Variants in ARHGEF37 observed in about 807,000 individuals in gnomAD.
The protein encoded by ARHGEF37 is Rho guanine nucleotide exchange factor 37.
Under a neutral mutation model 71.1 loss-of-function variants are expected in ARHGEF37, and 55 were observed. The ratio of observed to expected loss-of-function variants is 0.77; its 90% CI spans 0.62 to 0.97. ARHGEF37 has a LOEUF of 0.97. Among genes scored for constraint, ARHGEF37 ranks in the 50% least tolerant of loss-of-function variants. ARHGEF37 has a pLI of 0.00. For missense variants in ARHGEF37, 765 were observed against 836.8 expected (o/e 0.91, Z 1.06); for synonymous variants, 327 against 350.6 (o/e 0.93, Z 0.75).
rs544719154 is a variant in ARHGEF37 at position 149,612,230 on chromosome 5, C to T, written c.458+2535C>T. Among the ~76,000 whole-genome samples the T allele has an allele frequency of 1.1e-4, 17 of 152,206 alleles. No individual in the cohort carries two copies. In the South Asian group the frequency reaches 1.9e-3, roughly 17 times the overall value. ...TCGCCCAGGCTGGAGTGCAGTGGCG[C>T]GATCTCGGCCCACTGCAACCTCCGT... On this transcript the variant is annotated intron_variant, in intron 4 of 12. Transcript: ENST00000333677.
intron 1 of ARHGEF37, among the ~76,000 whole-genome samples, chr5:149,565,009 G>T (rs1762882222): frequency 6.6e-6 from 1 of 152,324 alleles, no homozygotes; most frequent in African/African-American, 2.4e-5. Flanking sequence ...CAGCCAGAAA[G>T]CTGAATCTGG....
chr5:149,588,439 G>A (rs1319881462), intron 1 of ARHGEF37, among the ~76,000 whole-genome samples: 2 of 152,102 alleles, frequency 1.3e-5, no homozygotes, highest in African/African-American at 2.4e-5. Context: ...TGAGATTACA[G>A]GCGTGTGCTA....
intron 1 of ARHGEF37, among the ~76,000 whole-genome samples, chr5:149,568,556 G>A (rs996909014): frequency 6.6e-6 from 1 of 152,058 alleles, no homozygotes; most frequent in Non-Finnish European, 1.5e-5. Context: ...TGGCCGCGTG[G>A]TGACTGATGC....
chr5:149,582,981 A>G (rs1166053105), intron 1 of ARHGEF37, among the ~76,000 whole-genome samples: 1 of 152,220 alleles, frequency 6.6e-6, no homozygotes, highest in Non-Finnish European at 1.5e-5. Flanking sequence ...TCGTGATGGT[A>G]TCCTAAATAA....
rs556989385 is a variant in ARHGEF37, at chr5:149,559,907, T to C, written c.-12+7784T>C. The stretch of plus-strand genomic sequence containing the variant: ...AAGGATGTGCTCATGCTATTAAAAA[T>C]GTCTGTTTTATGACATAGCTAACAA... On this transcript the variant is annotated intron_variant, in intron 1 of 2. Transcript: ENST00000505810. 5.3e-5 allele frequency among the ~76,000 whole-genome samples: 8 copies of C among 152,308 alleles called. No individual in the cohort carries two copies. In the East Asian group the frequency reaches 1.5e-3, roughly 29 times the overall value.
intron 4 of ARHGEF37, among the ~76,000 whole-genome samples, chr5:149,613,073 A>G (rs1752247216): frequency 6.6e-6 from 1 of 152,232 alleles, no homozygotes; most frequent in African/African-American, 2.4e-5. Flanking sequence ...CGTCCAGCAC[A>G]AAGCACTGCA....
chr5:149,634,542 A>G lies in ARHGEF37; in HGVS notation c.*2351A>G, dbSNP rs1752976443. 6.6e-6 allele frequency: 1 copy of G among 152,666 alleles called. No homozygotes were observed. The highest frequency in any genetic ancestry group is 2.4e-5 in the African/African-American group (1 of 41,458). The allele number at this position is 152,666 out of a possible 1,614,324, so 9.5% of individuals were successfully genotyped here. A position where few individuals can be genotyped will look rare whatever the true frequency, so the allele number is the denominator to read the frequency against. ...TAGCACGTGGGTTATGGTTTCTCATAGACCAGGGGATAAGATTAAAAGTCA... is the reference window on the plus strand; with the variant it reads ...TAGCACGTGGGTTATGGTTTCTCATGGACCAGGGGATAAGATTAAAAGTCA... On this transcript the variant is annotated 3_prime_UTR_variant, in exon 13 of 13. Transcript: ENST00000333677.
At chr5:149,627,885 A>G (rs562685173) in intron 11 of ARHGEF37, among the ~76,000 whole-genome samples, 43 of 152,356 alleles carry the variant, frequency 2.8e-4, no homozygotes, top group African/African-American at 1.0e-3. Flanking sequence ...CAGGGGATCC[A>G]CAGACAGTTT....
chr5:149,583,861 A>C lies in ARHGEF37; in HGVS notation c.-12+2237A>C, dbSNP rs372232022. On this transcript the variant is annotated intron_variant, in intron 1 of 12. Coordinates refer to ENST00000333677, the MANE Select transcript of ARHGEF37 (RefSeq NM_001001669.3). ...CTGCAGCCTCAACCGCCCAGGTTCA[A>C]GCAATCCTCCTGCCTCAGCCTTCTG... 5.8e-4 allele frequency among the ~76,000 whole-genome samples: 89 copies of C among 152,296 alleles called. No homozygotes were observed. In the South Asian group the frequency reaches 0.011, roughly 18 times the overall value.
intron 1 of ARHGEF37, among the ~76,000 whole-genome samples, chr5:149,565,531 C>T (rs1762887343): frequency 1.3e-5 from 2 of 152,142 alleles, no homozygotes; most frequent in African/African-American, 4.8e-5. Context: ...TACTGGCTAC[C>T]AAGAGACACT....
chr5:149,626,549 ACAGTG>A lies in ARHGEF37; in HGVS notation c.1465-525_1465-521del, dbSNP rs1213273954. On this transcript the variant is annotated intron_variant, in intron 10 of 12. Transcript: ENST00000333677. ...TACTACACCATTCTCAAAGTTTTCCACAGTGCCCTGTAAATGGCAGGTGCTCCATA... is the reference window on the plus strand; with the variant it reads ...TACTACACCATTCTCAAAGTTTTCCACCCTGTAAATGGCAGGTGCTCCATA... 2.0e-5 allele frequency among the ~76,000 whole-genome samples: 3 copies of A among 152,324 alleles called. No individual in the cohort carries two copies. The East Asian group carries it at 5.8e-4, about 29-fold the overall frequency.
intron 2 of ARHGEF37, among the ~76,000 whole-genome samples, chr5:149,599,962 AG>A (rs34062323): frequency 6.6e-6 from 1 of 152,156 alleles, no homozygotes; most frequent in African/African-American, 2.4e-5. Context: ...ACTTAACACC[AG>A]GGATATGTTT....
At chr5:149,557,976 C>T (rs1321658402) in intron 1 of ARHGEF37, among the ~76,000 whole-genome samples, 1 of 151,786 alleles carries the variant, frequency 6.6e-6, no homozygotes, top group Non-Finnish European at 1.5e-5. Flanking sequence ...AGCAATTCTC[C>T]TGCCTCTGCC....
At chr5:149,615,337 T>C (rs1025652321) in intron 4 of ARHGEF37, among the ~76,000 whole-genome samples, 9 of 151,462 alleles carry the variant, frequency 5.9e-5, no homozygotes, top group African/African-American at 1.9e-4. Flanking sequence ...GAGGTCATGC[T>C]ATGTTGCCCA....
At chr5:149,559,496 C>A (rs1040222706) in intron 1 of ARHGEF37, among the ~76,000 whole-genome samples, 14 of 152,158 alleles carry the variant, frequency 9.2e-5, no homozygotes, top group African/African-American at 3.1e-4. Context: ...TCTAACCAAT[C>A]CTCGTTGAGT....
chr5:149,597,876 G>A lies in ARHGEF37; in HGVS notation c.107G>A (p.Arg36Gln), dbSNP rs372262596. ...CTGCTTCATCAGAGGCTGGCTGTCC[G>A]GGAGCTCATCGACACTGAGGTCTCC... is the stretch of plus-strand genomic sequence containing the variant. ...RSLLHQRLAV[R>Q]ELIDTEVSYL... Residue 36 changes from arginine to glutamine, a missense_variant, in exon 2 of 13, where the codon CGG becomes CAG. By Grantham distance (43) the Arg-to-Gln change is conservative. Around this residue, in one of 5 missense-constraint regions of ARHGEF37, gnomAD observed 201 missense variants for 217.5 expected, o/e 0.92. Transcript: ENST00000333677. The A allele has an allele frequency of 4.6e-5, 74 of 1,609,612 alleles. No individual in the cohort carries two copies. The highest frequency in any genetic ancestry group is 1.2e-4 in the African/African-American group (9 of 74,660).
At chr5:149,620,604 C>G (rs932640794) in intron 8 of ARHGEF37, 140 bp downstream of exon 8, 19 of 563,830 alleles carry the variant, frequency 3.4e-5, no homozygotes, top group Non-Finnish European at 5.8e-5. Flanking sequence ...CCGAGGCAGG[C>G]AGATTGCCTG....
intron 1 of ARHGEF37, among the ~76,000 whole-genome samples, chr5:149,560,341 C>G (rs933955948): frequency 2.6e-5 from 4 of 151,998 alleles, no homozygotes; most frequent in Admixed American, 2.0e-4. Flanking sequence ...CTCGAACTCC[C>G]GACCTCAGGT....
chr5:149,585,635 A>C (rs1166114549), intron 1 of ARHGEF37, among the ~76,000 whole-genome samples: 1 of 152,046 alleles, frequency 6.6e-6, no homozygotes, highest in East Asian at 1.9e-4. Flanking sequence ...CTCCTGCCTC[A>C]GCCTCCCAAG....
Sources: allele counts gnomAD v4.1 joint callset (sites outside exome capture counted in the v4.1 genomes callset), GRCh38; gene constraint gnomAD v4.1.1; regional missense constraint gnomAD v4.1.1; transcripts MANE v1.5; gene names NCBI Gene and HGNC (gene_info 2026-07-23, HGNC 2026-07-21).